NOS1: variants seen among roughly 807,000 people sequenced by gnomAD.
NOS1 encodes nitric oxide synthase 1, also known as NOS type I.
In NOS1, 51 loss-of-function variants were observed where a neutral mutation model predicts 164.5. The ratio of observed to expected loss-of-function variants is 0.31; its 90% confidence interval spans 0.25 to 0.39. The LOEUF (loss-of-function observed/expected upper bound fraction) is 0.39. NOS1 is among the 10% of genes least tolerant of loss of function. NOS1 has a pLI of 1.00. For synonymous variants in NOS1, 719 were observed against 745.8 expected (o/e 0.96, Z 0.59); for missense variants, 1,362 against 1,885.6 (o/e 0.72, Z 5.14).
intron 11 of NOS1, 28 bp from the exon 12 acceptor site, chr12:117,265,538 G>A (rs1028351201): frequency 1.4e-6 from 2 of 1,448,396 alleles, no homozygotes; most frequent in Admixed American, 2.4e-5. Flanking sequence ...ACAGGGGTCA[G>A]GAGGTATGAG....
intron 17 of NOS1, among the ~76,000 whole-genome samples, chr12:117,247,994 G>GCT (rs1340457829): frequency 3.3e-5 from 5 of 149,596 alleles, no homozygotes; most frequent in African/African-American, 7.3e-5. Flanking sequence ...ACACCAGAGT[G>GCT]CTCTCTCTCT....
rs1956506762 is a variant in NOS1 at position 117,210,225 on chromosome 12, C to CCCACCT, written c.*5078_*5083dup. ...CAAACTCCTGGCCCCAAGTGATCCTCCCACCTCAGTCTCCCAAAGTGCTAT... is the reference window on the plus strand; with the variant it reads ...CAAACTCCTGGCCCCAAGTGATCCTCCCACCTCCACCTCAGTCTCCCAAAGTGCTAT... On this transcript the variant is annotated 3_prime_UTR_variant, in exon 29 of 29. Transcript: ENST00000317775. The CCCACCT allele has an allele frequency of 1.1e-6, 1 of 907,214 alleles. No individual in the cohort carries two copies. Among genetic ancestry groups the CCCACCT allele is most frequent in the East Asian group, 1.2e-4 (1 of 8,414 alleles). The allele number at this position is 907,214 out of a possible 1,614,324, so 56.2% of individuals were successfully genotyped here.
chr12:117,261,590 T>G (rs1871913188), intron 13 of NOS1, among the ~76,000 whole-genome samples: 1 of 152,190 alleles, frequency 6.6e-6, no homozygotes. Context: ...GTCTGATTTA[T>G]TCAGCAATGC....
intron 1 of NOS1, among the ~76,000 whole-genome samples, chr12:117,345,933 G>A (rs1876329069): frequency 6.6e-6 from 1 of 152,218 alleles, no homozygotes; most frequent in Non-Finnish European, 1.5e-5. Flanking sequence ...AGTGAATCAG[G>A]GTCTCAATCT....
chr12:117,329,331 C>T (rs565069295), intron 2 of NOS1, among the ~76,000 whole-genome samples: 1 of 152,022 alleles, frequency 6.6e-6, no homozygotes, highest in Non-Finnish European at 1.5e-5. Flanking sequence ...TTAACCCAGG[C>T]CCCCAGATTG....
Position 117,321,995 on chromosome 12 carries a change from TC to T in NOS1, c.725+8349del, listed in dbSNP as rs1478923297. ...TTCCCTCCTTCTCTCCTTCCTTCCC[TC>T]CCTCTCTCCTTCCTTCCCTCCCTCT... On this transcript the variant is annotated intron_variant, in intron 2 of 28. Transcript: ENST00000317775. 4.0e-4 allele frequency among the ~76,000 whole-genome samples: 19 copies of T among 47,184 alleles called. 1 individual carries two copies. The highest frequency in any genetic ancestry group is 1.7e-3 in the African/African-American group (19 of 11,508). 31.0% of individuals were successfully genotyped at this position (47,184 alleles called of 152,430 possible).
intron 3 of NOS1, among the ~76,000 whole-genome samples, chr12:117,306,560 C>A (rs751240071): frequency 6.6e-6 from 1 of 151,944 alleles, no homozygotes; most frequent in Non-Finnish European, 1.5e-5. Context: ...CCAAAGACAA[C>A]CTCAGAGAAC....
Position 117,208,536 on chromosome 12 carries a change from C to T in NOS1, c.*6773G>A. The T allele has an allele frequency of 8.2e-7, 1 of 1,218,974 alleles. No individual in the cohort carries two copies. Among genetic ancestry groups the T allele is most frequent in the East Asian group, 5.8e-5 (1 of 17,266 alleles). 75.5% of individuals were successfully genotyped at this position (1,218,974 alleles called of 1,614,324 possible). A position where few individuals can be genotyped will look rare whatever the true frequency, so the allele number is the denominator to read the frequency against. On this transcript the variant is annotated 3_prime_UTR_variant, in exon 29 of 29. Transcript: ENST00000317775. ...GCCTTCTGGAAAACCACTGCTGAGC[C>T]AGGAGTGTGAGTCTTAACAATCACA... is the stretch of plus-strand genomic sequence containing the variant.
chr12:117,227,376 G>A, intron 23 of NOS1, 55 bp downstream of exon 23: 2 of 1,566,794 alleles, frequency 1.3e-6, no homozygotes, highest in Non-Finnish European at 1.7e-6. Context: ...GAACCCTCCA[G>A]AGGCCCCTTG....
chr12:117,266,425 G>A (rs1440216779), intron 11 of NOS1, among the ~76,000 whole-genome samples: 1 of 152,150 alleles, frequency 6.6e-6, no homozygotes, highest in Non-Finnish European at 1.5e-5. Context: ...AGGTTGCTGC[G>A]AATGCCATGA....
intron 1 of NOS1, among the ~76,000 whole-genome samples, chr12:117,358,635 T>C (rs775565319): frequency 1.1e-4 from 17 of 152,254 alleles, no homozygotes; most frequent in Admixed American, 3.3e-4. Context: ...GTTCTCATTT[T>C]ACAGATAACA....
rs1444913578 is a variant in NOS1 at position 117,214,640 on chromosome 12, C to A, written c.*669G>T. On this transcript the variant is annotated 3_prime_UTR_variant, in exon 29 of 29. Coordinates refer to ENST00000317775, the MANE Select transcript of NOS1 (RefSeq NM_000620.5). ...CCACTCCTCTCCCCATGCCCTGAAC[C>A]CTTTCTAACTAGAACAATTATGGGG... 1 of 985,274 alleles carries A rather than the reference C, an allele frequency of 1.0e-6. No individual in the cohort carries two copies. Among genetic ancestry groups the A allele is most frequent in the Non-Finnish European group, 1.2e-6 (1 of 829,948 alleles). The allele number at this position is 985,274 out of a possible 1,614,324, so 61.0% of individuals were successfully genotyped here. A position where few individuals can be genotyped will look rare whatever the true frequency, so the allele number is the denominator to read the frequency against.
chr12:117,304,920 C>T, intron 3 of NOS1: 1 of 752,796 alleles, frequency 1.3e-6, no homozygotes, highest in Non-Finnish European at 1.6e-6. Context: ...AACTTATAGT[C>T]TCCTGTGTTA....
chr12:117,305,549 CA>C (rs1301877562), intron 3 of NOS1, among the ~76,000 whole-genome samples: 1 of 151,462 alleles, frequency 6.6e-6, no homozygotes, highest in African/African-American at 2.4e-5. Context: ...GATCATCTTT[CA>C]GGATGGAAAA....
chr12:117,279,704 C>A (rs574995090), intron 8 of NOS1, among the ~76,000 whole-genome samples: 6 of 152,324 alleles, frequency 3.9e-5, no homozygotes, highest in African/African-American at 1.4e-4. Flanking sequence ...CATTTATGTT[C>A]TGGTGACCAC....
chr12:117,290,878 A>G (rs1408510703), intron 3 of NOS1, among the ~76,000 whole-genome samples: 1 of 152,070 alleles, frequency 6.6e-6, no homozygotes, highest in African/African-American at 2.4e-5. Flanking sequence ...GTCCAAACTC[A>G]CCATTTCTGG....
chr12:117,263,345 T>C (rs1872095507), intron 13 of NOS1, among the ~76,000 whole-genome samples: 1 of 152,000 alleles, frequency 6.6e-6, no homozygotes. Flanking sequence ...TTCAGTGACT[T>C]CCTAGGCCAG....
At chr12:117,247,321 C>T (rs764109400) in intron 18 of NOS1, 27 bp downstream of exon 18, 3 of 1,550,928 alleles carry the variant, frequency 1.9e-6, no homozygotes, top group East Asian at 4.6e-5. Flanking sequence ...ATTACTTTTT[C>T]CTGTAGGTCC....
intron 1 of NOS1, among the ~76,000 whole-genome samples, chr12:117,359,530 C>T (rs12425916): frequency 0.15 from 23,251 of 152,088 alleles, 2,270 homozygotes; most frequent in Admixed American, 0.23. Flanking sequence ...CTCCTTTCTG[C>T]TGTCTCCCAA....
Sources: gnomAD v4.1 joint callset for allele counts (sites outside exome capture counted in the v4.1 genomes callset) on GRCh38, gnomAD v4.1.1 for gene constraint, MANE v1.5 for transcripts, NCBI Gene and HGNC (gene_info 2026-07-23, HGNC 2026-07-21) for gene names.